The following STK33 variants were observed in gnomAD, a reference collection of about 807,000 sequenced individuals.
The protein encoded by STK33 is serine/threonine kinase 33.
A neutral mutation model predicts 58.0 loss-of-function variants in STK33; 52 were observed. The observed-to-expected ratio is 0.90, with a 90% confidence interval of 0.72 to 1.13. STK33 has a LOEUF of 1.13. Among genes scored for constraint, STK33 ranks in the 50% most tolerant of loss-of-function variants. The probability of loss-of-function intolerance (pLI) is 0.00; values close to 1 mark genes in which losing one functional copy is unlikely to be tolerated. For synonymous variants in STK33, 215 were observed against 200.1 expected (o/e 1.07, Z -0.63); for missense variants, 630 against 604.2 (o/e 1.04, Z -0.45).
In STK33 at chr11:8,532,001, C is replaced by T. The variant is rs377589126; in HGVS notation, c.-465-51387G>A. On this transcript the variant is annotated intron_variant, in intron 1 of 15. Transcript: ENST00000687296. The stretch of plus-strand genomic sequence containing the variant: ...AGATCAGCCATTAAAATAAATGCAT[C>T]AGGCAGTTTCACAGCTGGGGTATAT... Among the ~76,000 whole-genome samples the T allele has an allele frequency of 4.6e-5, 7 of 152,278 alleles. No individual in the cohort carries two copies. The South Asian group carries it at 1.5e-3, about 32-fold the overall frequency.
chr11:8,376,199 G>A, the STK33 span, among the ~76,000 whole-genome samples: 6 of 152,180 alleles, frequency 3.9e-5, no homozygotes, highest in Admixed American at 6.5e-5. Flanking sequence ...CAGGGATCTC[G>A]GTTGATCCTT....
At chr11:8,476,849 A>G (rs908369033) in intron 3 of STK33, 98 bp from the exon 4 acceptor site, 4 of 152,196 alleles carry the variant, frequency 2.6e-5, no homozygotes, top group Non-Finnish European at 4.4e-5. Context: ...AAATCTGACC[A>G]TAGTAGTATT....
At chr11:8,570,208 A>G (rs1957713422) in intron 1 of STK33, among the ~76,000 whole-genome samples, 2 of 152,336 alleles carry the variant, frequency 1.3e-5, no homozygotes, top group South Asian at 4.1e-4. Flanking sequence ...TAAAACCACA[A>G]TGAGACATCC....
intron 1 of STK33, among the ~76,000 whole-genome samples, chr11:8,510,913 G>GTTATAGT (rs1952265229): frequency 6.6e-6 from 1 of 151,578 alleles, no homozygotes; most frequent in Non-Finnish European, 1.5e-5. Context: ...TAGCCTTGCA[G>GTTATAGT]TATATAATGT....
intron 1 of STK33, 196 bp downstream of exon 1, chr11:8,593,887 C>G (rs772356363): frequency 6.6e-6 from 1 of 152,326 alleles, no homozygotes; most frequent in Non-Finnish European, 1.5e-5. Context: ...CGGCTGGGCC[C>G]CAGGAGACAC....
At chr11:8,538,339 G>A (rs1291561833) in intron 1 of STK33, among the ~76,000 whole-genome samples, 1 of 152,168 alleles carries the variant, frequency 6.6e-6, no homozygotes, top group African/African-American at 2.4e-5. Flanking sequence ...TACAAATGAG[G>A]AAACTGAGGT....
chr11:8,451,035 C>T (rs1946210261), intron 11 of STK33, among the ~76,000 whole-genome samples: 1 of 152,122 alleles, frequency 6.6e-6, no homozygotes. Flanking sequence ...TCCTAAGATA[C>T]TAGTCCTAAG....
In STK33 at chr11:8,473,294, A is replaced by AT; in HGVS notation, c.226-19dup. The AT allele has an allele frequency of 1.4e-6, 2 of 1,388,608 alleles. No individual in the cohort carries two copies. The highest frequency in any genetic ancestry group is 2.9e-5 in the African/African-American group (2 of 68,776). 86.0% of individuals were successfully genotyped at this position (1,388,608 alleles called of 1,614,324 possible). A position where few individuals can be genotyped will look rare whatever the true frequency, so the allele number is the denominator to read the frequency against. On this transcript the variant is annotated intron_variant, in intron 5 of 15. Coordinates refer to ENST00000687296, the MANE Select transcript of STK33 (RefSeq NM_001352389.2). ...CTTGAGGGCTGGGACCAAAAAAAAA[A>AT]TTAAAAAAAAAAAACTTTAAGATGT...
chr11:8,426,524 C>T (rs932861767), intron 14 of STK33, among the ~76,000 whole-genome samples: 3 of 152,144 alleles, frequency 2.0e-5, no homozygotes, highest in Non-Finnish European at 2.9e-5. Context: ...GGACTATGCC[C>T]TCCTCTACCT....
chr11:8,483,711 A>G (rs1220035925), intron 1 of STK33, among the ~76,000 whole-genome samples: 4 of 152,226 alleles, frequency 2.6e-5, no homozygotes, highest in Non-Finnish European at 5.9e-5. Flanking sequence ...CAGTACAATC[A>G]ATCAAAATCT....
chr11:8,441,341 G>A (rs1257990116), intron 11 of STK33, among the ~76,000 whole-genome samples: 2 of 150,986 alleles, frequency 1.3e-5, no homozygotes, highest in African/African-American at 4.9e-5. Context: ...ATATATATAT[G>A]TGTGTGTGTG....
intron 10 of STK33, among the ~76,000 whole-genome samples, chr11:8,453,870 C>T (rs1054498863): frequency 2.0e-5 from 3 of 152,164 alleles, no homozygotes; most frequent in African/African-American, 7.2e-5. Flanking sequence ...GCATATGATA[C>T]CTATCTTTCT....
intron 11 of STK33, among the ~76,000 whole-genome samples, chr11:8,442,437 C>T (rs1944878432): frequency 6.6e-6 from 1 of 152,180 alleles, no homozygotes; most frequent in Non-Finnish European, 1.5e-5. Context: ...TCAGAGTCAT[C>T]TTAATTATCA....
At chr11:8,414,752 T>A (rs972266727) in intron 14 of STK33, among the ~76,000 whole-genome samples, 1 of 152,194 alleles carries the variant, frequency 6.6e-6, no homozygotes, top group South Asian at 2.1e-4. Context: ...TCAGTACTCC[T>A]ACCACGTTCA....
intron 1 of STK33, among the ~76,000 whole-genome samples, chr11:8,556,859 A>AT (rs1469706703): frequency 1.3e-5 from 2 of 152,224 alleles, no homozygotes; most frequent in African/African-American, 2.4e-5. Flanking sequence ...GAATGAATGA[A>AT]GAAGAGAAGA....
the STK33 span, among the ~76,000 whole-genome samples, chr11:8,367,167 A>C: frequency 6.6e-5 from 10 of 152,342 alleles, no homozygotes; most frequent in African/African-American, 2.4e-4. Context: ...GTGTGTGTAT[A>C]AGTTCTGCTT....
intron 6 of STK33, chr11:8,467,591 C>T (rs1948338353): frequency 6.6e-6 from 1 of 152,360 alleles, no homozygotes; most frequent in Non-Finnish European, 1.5e-5. Flanking sequence ...AACTGTCCCA[C>T]ATTTTCCTGT....
At chr11:8,441,515 C>T (rs1404188777) in intron 11 of STK33, among the ~76,000 whole-genome samples, 1 of 152,034 alleles carries the variant, frequency 6.6e-6, no homozygotes, top group Non-Finnish European at 1.5e-5. Context: ...TCATGCCTGG[C>T]TAATTGTTTT....
intron 15 of STK33, among the ~76,000 whole-genome samples, chr11:8,406,967 T>C (rs1238659960): frequency 7.6e-6 from 1 of 132,318 alleles, no homozygotes; most frequent in African/African-American, 3.0e-5. Flanking sequence ...TGATACTAAT[T>C]GTAGTTTTGG....
Sources: allele counts gnomAD v4.1 joint callset (sites outside exome capture counted in the v4.1 genomes callset), GRCh38; gene constraint gnomAD v4.1.1; transcripts MANE v1.5; gene names NCBI Gene and HGNC (gene_info 2026-07-23, HGNC 2026-07-21).